CPQ: variants seen among roughly 807,000 people sequenced by gnomAD.
CPQ encodes Ser-Met dipeptidase.
In CPQ, 37 loss-of-function variants were observed where a neutral mutation model predicts 45.7. The observed-to-expected ratio is 0.81, with a 90% CI of 0.62 to 1.07. CPQ has a LOEUF of 1.07. Ranked by LOEUF, CPQ falls within the 50% of genes least tolerant of loss-of-function variation. The pLI, the probability that CPQ is intolerant of heterozygous loss-of-function variation, is 0.00. For missense variants in CPQ, 537 were observed against 572.9 expected (o/e 0.94, Z 0.64); for synonymous variants, 186 against 205.8 (o/e 0.90, Z 0.82).
intron 1 of CPQ, among the ~76,000 whole-genome samples, chr8:96,647,654 C>T (rs867002438): frequency 1.3e-5 from 2 of 152,030 alleles, no homozygotes; most frequent in African/African-American, 4.8e-5. Context: ...ATATACAAAC[C>T]CTGGGTTATT....
chr8:97,079,906 G>A (rs1235228656), intron 7 of CPQ, among the ~76,000 whole-genome samples: 3 of 152,134 alleles, frequency 2.0e-5, no homozygotes, highest in Admixed American at 6.5e-5. Context: ...AACTAAAAGC[G>A]TTGCCTGGAA....
chr8:96,680,640 G>A (rs1168899750), intron 1 of CPQ: 1 of 152,450 alleles, frequency 6.6e-6, no homozygotes, highest in Admixed American at 6.6e-5. Flanking sequence ...CAGTAAATTG[G>A]TACCAGGAGT....
At chr8:96,914,082 G>A (rs1278384897) in intron 4 of CPQ, among the ~76,000 whole-genome samples, 1 of 152,152 alleles carries the variant, frequency 6.6e-6, no homozygotes, top group East Asian at 1.9e-4. Context: ...TTATAATAGT[G>A]TGGAGATACT....
intron 7 of CPQ, among the ~76,000 whole-genome samples, chr8:97,140,292 T>C (rs533674578): frequency 1.1e-4 from 16 of 152,156 alleles, no homozygotes; most frequent in African/African-American, 3.8e-4. Context: ...CAGACTTTGA[T>C]GGCTTTGTTA....
At chr8:96,937,917 A>G (rs1221271649) in intron 4 of CPQ, among the ~76,000 whole-genome samples, 2 of 152,224 alleles carry the variant, frequency 1.3e-5, no homozygotes, top group Non-Finnish European at 1.5e-5. Context: ...GAATGTTGAG[A>G]TAAAAGGAAG....
intron 1 of CPQ, among the ~76,000 whole-genome samples, chr8:96,720,759 A>C (rs2130762511): frequency 6.6e-6 from 1 of 151,988 alleles, no homozygotes; most frequent in African/African-American, 2.4e-5. Flanking sequence ...CTGTTTATGT[A>C]CTGTGGTTCT....
intron 4 of CPQ, among the ~76,000 whole-genome samples, chr8:96,960,054 C>G (rs1813430666): frequency 6.6e-6 from 1 of 152,104 alleles, no homozygotes; most frequent in South Asian, 2.1e-4. Flanking sequence ...AATATCTATA[C>G]AACTCACATA....
intron 2 of CPQ, among the ~76,000 whole-genome samples, chr8:96,794,228 A>G (rs548790508): frequency 6.6e-6 from 1 of 152,198 alleles, no homozygotes; most frequent in Non-Finnish European, 1.5e-5. Flanking sequence ...AGATGTTTCC[A>G]TACATCCTCT....
Position 96,835,113 on chromosome 8 carries a change from G to A in CPQ, c.574G>A (p.Val192Met), listed in dbSNP as rs899769803. 3 of 1,594,908 alleles carry A rather than the reference G, an allele frequency of 1.9e-6. No individual in the cohort carries two copies. The African/African-American group carries it at 4.1e-5, about 22-fold the overall frequency. ...GGTGCAATACCGAACGCAGGGGGCG[G>A]TGGAAGCTGCCAAGGTGGGGGCTTT... ...RTVQYRTQGA[V>M]EAAKVGALAS... The change falls in exon 3 of 8, where the codon GTG (valine) becomes ATG (methionine). Residue 192 changes from valine (V) to methionine (M), a missense_variant. Val to Met is a conservative substitution (Grantham distance 21). Transcript: ENST00000220763.
At chr8:97,029,898 A>G (rs16895187) in intron 6 of CPQ, among the ~76,000 whole-genome samples, 5,229 of 152,234 alleles carry the variant, frequency 0.034, 289 homozygotes, top group African/African-American at 0.11. Context: ...GCCAGGTTCC[A>G]AGTCATTGAG....
At chr8:96,757,276 G>A (rs1810338244) in intron 1 of CPQ, among the ~76,000 whole-genome samples, 1 of 151,350 alleles carries the variant, frequency 6.6e-6, no homozygotes, top group South Asian at 2.1e-4. Flanking sequence ...ACTTGAACCT[G>A]GGAGGCAGAG....
chr8:96,970,594 C>T (rs1452165285), intron 5 of CPQ, among the ~76,000 whole-genome samples: 3 of 150,032 alleles, frequency 2.0e-5, no homozygotes, highest in Non-Finnish European at 3.0e-5. Context: ...GACGGAGTCT[C>T]GCTCTGTCGC....
At chr8:97,041,313 G>A (rs1333028427) in intron 6 of CPQ, among the ~76,000 whole-genome samples, 1 of 152,096 alleles carries the variant, frequency 6.6e-6, no homozygotes, top group African/African-American at 2.4e-5. Context: ...AAGAATGCTT[G>A]TGATTTTTGT....
At chr8:96,730,565 C>G (rs753151755) in intron 1 of CPQ, among the ~76,000 whole-genome samples, 4 of 151,950 alleles carry the variant, frequency 2.6e-5, no homozygotes, top group Admixed American at 6.6e-5. Flanking sequence ...CTCCTTCCCC[C>G]CAAAGACTGC....
chr8:97,101,656 T>C (rs1272655153), intron 7 of CPQ, among the ~76,000 whole-genome samples: 1 of 149,852 alleles, frequency 6.7e-6, no homozygotes, highest in Non-Finnish European at 1.5e-5. Context: ...CTTTGAGATA[T>C]AGGGCTCTAA....
intron 7 of CPQ, among the ~76,000 whole-genome samples, chr8:97,134,203 G>A (rs1362108055): frequency 6.6e-6 from 1 of 152,242 alleles, no homozygotes; most frequent in Non-Finnish European, 1.5e-5. Flanking sequence ...TATCTGTTAA[G>A]CATCCACTAA....
At chr8:96,819,579 G>A (rs1339732119) in intron 2 of CPQ, among the ~76,000 whole-genome samples, 1 of 152,062 alleles carries the variant, frequency 6.6e-6, no homozygotes, top group Non-Finnish European at 1.5e-5. Context: ...GGTGGAGAAG[G>A]ATTTTCTGGT....
intron 5 of CPQ, among the ~76,000 whole-genome samples, chr8:96,970,654 C>T (rs1180708208): frequency 6.6e-6 from 1 of 151,884 alleles, no homozygotes; most frequent in Non-Finnish European, 1.5e-5. Flanking sequence ...AGCTCCGCCT[C>T]CCGGGTTCAC....
intron 3 of CPQ, among the ~76,000 whole-genome samples, chr8:96,841,398 AATTTTT>A (rs1318284941): frequency 2.6e-5 from 4 of 152,206 alleles, no homozygotes; most frequent in African/African-American, 9.7e-5. Flanking sequence ...AATGCAAAGT[AATTTTT>A]ATATTAGCCC....
Sources: gnomAD v4.1 joint callset for allele counts (sites outside exome capture counted in the v4.1 genomes callset) on GRCh38, gnomAD v4.1.1 for gene constraint, MANE v1.5 for transcripts, NCBI Gene and HGNC (gene_info 2026-07-23, HGNC 2026-07-21) for gene names.